MAP2K4: variants seen among roughly 807,000 people sequenced by gnomAD.
The protein encoded by MAP2K4 is dual specificity mitogen-activated protein kinase kinase 4.
Under a neutral mutation model 48.5 loss-of-function variants are expected in MAP2K4, and 4 were observed. The observed-to-expected ratio is 0.08, with a 90% CI of 0.04 to 0.19. The LOEUF is 0.19. MAP2K4 is among the 10% of genes least tolerant of loss of function. The pLI is 1.00. For synonymous variants in MAP2K4, 166 were observed against 173.1 expected (o/e 0.96, Z 0.32); for missense variants, 258 against 493.3 (o/e 0.52, Z 4.52).
chr17:12,107,326 G>C (rs917468896), intron 4 of MAP2K4, among the ~76,000 whole-genome samples: 4 of 151,434 alleles, frequency 2.6e-5, no homozygotes, highest in African/African-American at 9.7e-5. Context: ...TGAGAAGGTG[G>C]CATTTGTACG....
At chr17:12,023,994 T>C (rs1340389556) in intron 1 of MAP2K4, among the ~76,000 whole-genome samples, 1 of 152,206 alleles carries the variant, frequency 6.6e-6, no homozygotes, top group East Asian at 1.9e-4. Flanking sequence ...TTACTATTGG[T>C]AAATGAGTCC....
At chr17:12,115,107 A>C (rs1040314338) in intron 7 of MAP2K4, among the ~76,000 whole-genome samples, 3 of 152,220 alleles carry the variant, frequency 2.0e-5, no homozygotes, top group Non-Finnish European at 2.9e-5. Flanking sequence ...TTTGAGATTT[A>C]TAGTTGTCTT....
At chr17:12,120,991 G>A (rs900563131) in intron 7 of MAP2K4, among the ~76,000 whole-genome samples, 1 of 152,156 alleles carries the variant, frequency 6.6e-6, no homozygotes, top group Non-Finnish European at 1.5e-5. Context: ...ATTTTTTACT[G>A]TTAAGTATTT....
intron 5 of MAP2K4, among the ~76,000 whole-genome samples, chr17:12,109,370 A>C (rs1008225473): frequency 6.6e-6 from 1 of 152,214 alleles, no homozygotes; most frequent in Non-Finnish European, 1.5e-5. Context: ...CACATGTAAA[A>C]TACTTTGTAT....
At chr17:12,025,626 T>C (rs1052862850) in intron 1 of MAP2K4, among the ~76,000 whole-genome samples, 2 of 152,226 alleles carry the variant, frequency 1.3e-5, no homozygotes, top group African/African-American at 2.4e-5. Context: ...ACAGAAAACT[T>C]TGTGACCAGT....
intron 7 of MAP2K4, among the ~76,000 whole-genome samples, chr17:12,117,086 T>C (rs181269340): frequency 3.9e-5 from 6 of 152,290 alleles, no homozygotes; most frequent in Admixed American, 6.5e-5. Context: ...AGACAATTTC[T>C]GTATGTGGGT....
At chr17:12,098,450 C>T (rs934200355) in intron 4 of MAP2K4, among the ~76,000 whole-genome samples, 3 of 150,104 alleles carry the variant, frequency 2.0e-5, no homozygotes, top group Admixed American at 6.6e-5. Flanking sequence ...TGCAGTCCAG[C>T]CTGGGCAACA....
chr17:12,035,464 C>T (rs977325988), intron 1 of MAP2K4, among the ~76,000 whole-genome samples: 6 of 152,028 alleles, frequency 3.9e-5, no homozygotes, highest in African/African-American at 1.2e-4. Flanking sequence ...TGCAGTGAGC[C>T]GAGATTGTGC....
chr17:12,091,718 T>A (rs1339237118), intron 3 of MAP2K4, among the ~76,000 whole-genome samples: 1 of 152,162 alleles, frequency 6.6e-6, no homozygotes, highest in Admixed American at 6.5e-5. Context: ...TTTATTGGCA[T>A]TTACCTGCTT....
chr17:12,090,701 TAAAC>T (rs377158499), intron 3 of MAP2K4, among the ~76,000 whole-genome samples: 28 of 152,206 alleles, frequency 1.8e-4, no homozygotes, highest in East Asian at 1.5e-3. Flanking sequence ...TGAAGGGAAA[TAAAC>T]AAACAAACAA....
At chr17:12,032,252 CT>C in intron 1 of MAP2K4, 2 of 1,406,856 alleles carry the variant, frequency 1.4e-6, no homozygotes, top group East Asian at 2.6e-5. Context: ...TGGAACTTAT[CT>C]TTTTTACTTT....
chr17:12,114,529 T>G (rs1242359573), intron 7 of MAP2K4, among the ~76,000 whole-genome samples: 2 of 152,084 alleles, frequency 1.3e-5, no homozygotes, highest in African/African-American at 4.8e-5. Flanking sequence ...TCGTGATAAC[T>G]AGGGATAAAT....
chr17:12,138,500 T>A (rs1973276129), intron 9 of MAP2K4, among the ~76,000 whole-genome samples: 1 of 152,076 alleles, frequency 6.6e-6, no homozygotes, highest in South Asian at 2.1e-4. Context: ...CATCCTTGTC[T>A]TCACATTGAA....
At chr17:12,091,768 C>G (rs1971570436) in intron 3 of MAP2K4, among the ~76,000 whole-genome samples, 1 of 151,538 alleles carries the variant, frequency 6.6e-6, no homozygotes, top group Non-Finnish European at 1.5e-5. Context: ...GATTTGGACA[C>G]CAATTAAAAA....
At chr17:12,039,601 T>G (rs1969713003) in intron 1 of MAP2K4, among the ~76,000 whole-genome samples, 1 of 152,194 alleles carries the variant, frequency 6.6e-6, no homozygotes, top group African/African-American at 2.4e-5. Context: ...TAAGGACTCT[T>G]AAGTACATAA....
At chr17:12,138,979 G>A (rs559551981) in intron 9 of MAP2K4, among the ~76,000 whole-genome samples, 14 of 152,220 alleles carry the variant, frequency 9.2e-5, no homozygotes, top group Middle Eastern at 3.4e-3. Context: ...GTCTGCTGGC[G>A]GCTTGCCCCA....
chr17:12,088,486 A>G (rs1971442251), intron 3 of MAP2K4, among the ~76,000 whole-genome samples: 1 of 141,342 alleles, frequency 7.1e-6, no homozygotes, highest in South Asian at 2.1e-4. Flanking sequence ...AATATTAAAT[A>G]TACAATATTT....
intron 1 of MAP2K4, among the ~76,000 whole-genome samples, chr17:12,047,675 C>T (rs1030675461): frequency 1.3e-5 from 2 of 152,122 alleles, no homozygotes; most frequent in Non-Finnish European, 2.9e-5. Flanking sequence ...TTGGTTTAAA[C>T]GCTATCAAAC....
chr17:12,043,842 G>C (rs1969873209), intron 1 of MAP2K4, among the ~76,000 whole-genome samples: 1 of 152,066 alleles, frequency 6.6e-6, no homozygotes, highest in African/African-American at 2.4e-5. Flanking sequence ...GGTTTTATTA[G>C]GTAGGCATGA....
Sources: allele counts gnomAD v4.1 joint callset (sites outside exome capture counted in the v4.1 genomes callset), GRCh38; gene constraint gnomAD v4.1.1; transcripts MANE v1.5; gene names NCBI Gene and HGNC (gene_info 2026-07-23, HGNC 2026-07-21).